GJB7: variants seen among roughly 807,000 people sequenced by gnomAD.
GJB7 encodes the protein gap junction beta-7 protein.
For missense variants in GJB7, 253 were observed against 256.8 expected, an observed-to-expected ratio of 0.99 and a Z score of 0.10; for synonymous variants, 87 against 95.2, an observed-to-expected ratio of 0.91 and a Z score of 0.50.
At chr6:87,314,780 T>C (rs1776557467) in intron 2 of GJB7, among the ~76,000 whole-genome samples, 1 of 152,188 alleles carries the variant, frequency 6.6e-6, no homozygotes, top group South Asian at 2.1e-4. Context: ...AACTCTTTAA[T>C]ATATCTGGGA....
chr6:87,288,006 G>A (rs961339235), intron 2 of GJB7, among the ~76,000 whole-genome samples: 1 of 152,056 alleles, frequency 6.6e-6, no homozygotes, highest in Non-Finnish European at 1.5e-5. Flanking sequence ...GGGTTCAAGC[G>A]ATTCTCCTGC....
intron 2 of GJB7, among the ~76,000 whole-genome samples, chr6:87,319,928 C>T (rs1776631870): frequency 6.6e-6 from 1 of 152,122 alleles, no homozygotes; most frequent in Admixed American, 6.5e-5. Flanking sequence ...ACAAACTTTG[C>T]ATGTTCTCAC....
chr6:87,323,875 G>C (rs1481469497), intron 1 of GJB7, among the ~76,000 whole-genome samples: 16 of 152,178 alleles, frequency 1.1e-4, no homozygotes, highest in South Asian at 2.1e-4. Context: ...GGTTGTACTG[G>C]TTTACAGGCC....
intron 1 of GJB7, among the ~76,000 whole-genome samples, chr6:87,323,699 G>A (rs955190280): frequency 2.6e-5 from 4 of 152,000 alleles, no homozygotes; most frequent in South Asian, 2.1e-4. Context: ...GTTGGTTCCA[G>A]GTCTTTGCTA....
chr6:87,308,082 T>C (rs983759380), intron 2 of GJB7, among the ~76,000 whole-genome samples: 2 of 152,262 alleles, frequency 1.3e-5, no homozygotes, highest in Middle Eastern at 3.4e-3. Context: ...TGTAGGGACA[T>C]GGATGAAGCT....
At chr6:87,303,075 C>T (rs1365172523) in intron 2 of GJB7, among the ~76,000 whole-genome samples, 2 of 152,108 alleles carry the variant, frequency 1.3e-5, no homozygotes, top group Non-Finnish European at 2.9e-5. Flanking sequence ...CAAAAACATG[C>T]CAAATTGTAA....
At chr6:87,300,599 G>C (rs1367258518) in intron 2 of GJB7, among the ~76,000 whole-genome samples, 2 of 152,204 alleles carry the variant, frequency 1.3e-5, no homozygotes, top group East Asian at 3.8e-4. Context: ...GGTTTCAGTT[G>C]ACAATATATA....
At chr6:87,296,291 T>C (rs1227390454) in intron 2 of GJB7, among the ~76,000 whole-genome samples, 1 of 152,234 alleles carries the variant, frequency 6.6e-6, no homozygotes, top group African/African-American at 2.4e-5. Context: ...AAATAAACAA[T>C]TCTTAACCAC....
At chr6:87,292,519 TC>T (rs1355241504) in intron 2 of GJB7, among the ~76,000 whole-genome samples, 1 of 152,116 alleles carries the variant, frequency 6.6e-6, no homozygotes, top group Non-Finnish European at 1.5e-5. Flanking sequence ...AAAATCACTT[TC>T]CCAACCCCAG....
In GJB7 at chr6:87,284,184, T is replaced by C. The variant is rs185665307; in HGVS notation, c.*57A>G. On this transcript the variant is annotated 3_prime_UTR_variant, in exon 3 of 3. Coordinates refer to ENST00000525899, the MANE Select transcript of GJB7 (RefSeq NM_198568.3). ...TGTTTATGGCCAAGTGTGAAGATTC[T>C]GGAGTAGGGGAGGGGTCCCTCTCCT... The C allele has an allele frequency of 2.5e-5, 34 of 1,376,908 alleles. No homozygotes were observed. In the East Asian group the frequency reaches 3.7e-4, roughly 15 times the overall value. The allele number at this position is 1,376,908 out of a possible 1,614,324, so 85.3% of individuals were successfully genotyped here.
chr6:87,294,761 G>C (rs1776225416), intron 2 of GJB7, among the ~76,000 whole-genome samples: 1 of 152,206 alleles, frequency 6.6e-6, no homozygotes, highest in South Asian at 2.1e-4. Context: ...GTAGCAACTT[G>C]AGATGTTTAG....
chr6:87,307,194 T>A (rs1322918930), intron 2 of GJB7, among the ~76,000 whole-genome samples: 13 of 147,978 alleles, frequency 8.8e-5, no homozygotes, highest in Admixed American at 4.7e-4. Context: ...TAAAAAAAAA[T>A]TTTTAGCCAA....
intron 2 of GJB7, among the ~76,000 whole-genome samples, chr6:87,311,299 T>C (rs1366145232): frequency 6.6e-6 from 1 of 152,168 alleles, no homozygotes; most frequent in African/African-American, 2.4e-5. Context: ...ATCCCAAATA[T>C]ATACATATGT....
intron 2 of GJB7, among the ~76,000 whole-genome samples, chr6:87,297,118 T>C (rs56193950): frequency 0.077 from 11,748 of 152,198 alleles, 736 homozygotes; most frequent in African/African-American, 0.17. Context: ...CCCCTCCTGT[T>C]AGATAGAGTT....
rs1562206982 is a variant in GJB7 at position 87,284,584 on chromosome 6, T to TAA, written c.328_329insTT (p.Tyr110PhefsTer47). On this transcript the variant is annotated frameshift_variant, in exon 3 of 3. Transcript: ENST00000525899. LOFTEE classifies it low-confidence loss of function (END_TRUNC). ...CCCATCCATTGTACCTGGGCTGACATAGAGTTTCTTTCTGTGCCTTTTCTC... is the reference window on the plus strand; with the variant it reads ...CCCATCCATTGTACCTGGGCTGACATAAAGAGTTTCTTTCTGTGCCTTTTCTC... 3 of 1,614,008 alleles carry TAA rather than the reference T, an allele frequency of 1.9e-6. No individual in the cohort carries two copies. In the African/African-American group the frequency reaches 4.0e-5, roughly 22 times the overall value.
intron 2 of GJB7, among the ~76,000 whole-genome samples, chr6:87,304,540 A>G (rs1776389950): frequency 6.6e-6 from 1 of 152,364 alleles, no homozygotes; most frequent in East Asian, 1.9e-4. Context: ...TTAATAGACT[A>G]CCAACCAAAA....
rs1306779289 is a variant in GJB7, at chr6:87,283,167, A to AT, written c.*1073dup. Reference sequence around the variant, plus strand: ...GTAACAACATAGTACACATTTTACTATCTGTCCTAGAGGGAGATATACTAG... The same window carrying AT: ...GTAACAACATAGTACACATTTTACTATTCTGTCCTAGAGGGAGATATACTAG... On this transcript the variant is annotated 3_prime_UTR_variant, in exon 3 of 3. Transcript: ENST00000525899. The AT allele has an allele frequency of 6.6e-6, 1 of 152,262 alleles. No individual in the cohort carries two copies. The highest frequency in any genetic ancestry group is 1.5e-5 in the Non-Finnish European group (1 of 68,052). The allele number at this position is 152,262 out of a possible 1,614,324, so 9.4% of individuals were successfully genotyped here. A position where few individuals can be genotyped will look rare whatever the true frequency, so the allele number is the denominator to read the frequency against.
rs1362559744 is a variant in GJB7, at chr6:87,325,503, G to T, written c.-205-2460C>A. Among the ~76,000 whole-genome samples the T allele has an allele frequency of 2.3e-4, 34 of 146,102 alleles. 1 individual carries two copies. The East Asian group carries it at 6.0e-3, about 26-fold the overall frequency. ...GGTTATTGAATTTTGTCAAAGGCCT[G>T]TCTGCATCTATTGAGATAATCATGT... On this transcript the variant is annotated intron_variant, in intron 1 of 2. Coordinates refer to ENST00000525899, the MANE Select transcript of GJB7 (RefSeq NM_198568.3).
intron 2 of GJB7, among the ~76,000 whole-genome samples, chr6:87,301,780 A>G (rs1776332117): frequency 6.6e-6 from 1 of 152,242 alleles, no homozygotes; most frequent in Non-Finnish European, 1.5e-5. Context: ...GGCATCCCCC[A>G]GTAGGGGCAG....
Sources: allele counts gnomAD v4.1 joint callset (sites outside exome capture counted in the v4.1 genomes callset), GRCh38; gene constraint gnomAD v4.1.1; transcripts MANE v1.5; gene names NCBI Gene and HGNC (gene_info 2026-07-23, HGNC 2026-07-21).